The following ARHGAP44 variants were observed in gnomAD, a reference collection of about 807,000 sequenced individuals.
ARHGAP44 encodes the protein Rho GTPase activating protein 44.
ARHGAP44 carries 43 observed loss-of-function variants against 106.8 expected under a neutral mutation model. The observed-to-expected ratio is 0.40, with a 90% CI of 0.32 to 0.52. ARHGAP44 has a LOEUF of 0.52. ARHGAP44 is among the 20% of genes least tolerant of loss of function. The pLI, the probability that ARHGAP44 is intolerant of heterozygous loss-of-function variation, is 0.48. For missense variants in ARHGAP44, 866 were observed against 1,050.5 expected (o/e 0.82, Z 2.43); for synonymous variants, 439 against 410.3 (o/e 1.07, Z -0.85).
intron 1 of ARHGAP44, among the ~76,000 whole-genome samples, chr17:12,862,950 C>T (rs2150869436): frequency 6.6e-6 from 1 of 151,812 alleles, no homozygotes; most frequent in African/African-American, 2.4e-5. Flanking sequence ...CCACTGCACT[C>T]CAGCCTGGGC....
At chr17:12,921,053 T>C (rs992338310) in intron 6 of ARHGAP44, among the ~76,000 whole-genome samples, 1 of 152,108 alleles carries the variant, frequency 6.6e-6, no homozygotes, top group Non-Finnish European at 1.5e-5. Context: ...TTTATTTTTT[T>C]ATTTAATGTA....
chr17:12,867,689 C>T (rs1456779192), intron 1 of ARHGAP44, among the ~76,000 whole-genome samples: 2 of 152,152 alleles, frequency 1.3e-5, no homozygotes, highest in Non-Finnish European at 2.9e-5. Flanking sequence ...CAGAGTCACA[C>T]ATAAACTCCA....
At chr17:12,826,161 G>A (rs2034913915) in intron 1 of ARHGAP44, among the ~76,000 whole-genome samples, 1 of 152,086 alleles carries the variant, frequency 6.6e-6, no homozygotes, top group Admixed American at 6.5e-5. Context: ...GGTTTGTACA[G>A]ATTATTTTAT....
In ARHGAP44 at chr17:12,990,463, A is replaced by C; in HGVS notation, c.*292A>C. ...TCAGCCTCCATGCCAGAAAACACCC[A>C]CCTCTCCATCCAAGGCTGGTCAGGA... On this transcript the variant is annotated 3_prime_UTR_variant, in exon 21 of 21. Coordinates refer to ENST00000379672, the MANE Select transcript of ARHGAP44 (RefSeq NM_014859.6). 6.0e-6 allele frequency: 2 copies of C among 332,370 alleles called. No individual in the cohort carries two copies. The highest frequency in any genetic ancestry group is 1.2e-5 in the Non-Finnish European group (2 of 170,282). The allele number at this position is 332,370 out of a possible 1,614,324, so 20.6% of individuals were successfully genotyped here. A position where few individuals can be genotyped will look rare whatever the true frequency, so the allele number is the denominator to read the frequency against.
intron 1 of ARHGAP44, among the ~76,000 whole-genome samples, chr17:12,828,415 C>T (rs2034985717): frequency 6.6e-6 from 1 of 151,950 alleles, no homozygotes; most frequent in Non-Finnish European, 1.5e-5. Context: ...TTTTCCTAAT[C>T]ACAATAGAAG....
chr17:12,954,764 A>G lies in ARHGAP44; in HGVS notation c.1137-1103A>G, dbSNP rs2039086533. Among the ~76,000 whole-genome samples, 4 of 152,142 alleles carry G rather than the reference A, an allele frequency of 2.6e-5. No individual in the cohort carries two copies. In the South Asian group the frequency reaches 8.3e-4, roughly 32 times the overall value. On this transcript the variant is annotated intron_variant, in intron 13 of 20. Transcript: ENST00000379672. Reference sequence around the variant, plus strand: ...TGGCAGATTTTTAGTGTGGTTTGCCAGAGCTGTTTTTTTTGAATTTGCACG... The same window carrying G: ...TGGCAGATTTTTAGTGTGGTTTGCCGGAGCTGTTTTTTTTGAATTTGCACG...
intron 1 of ARHGAP44, among the ~76,000 whole-genome samples, chr17:12,810,025 A>C (rs927334786): frequency 6.6e-6 from 1 of 152,082 alleles, no homozygotes; most frequent in Non-Finnish European, 1.5e-5. Context: ...GGTGGAACTG[A>C]AGCATTTAAT....
Position 12,858,435 on chromosome 17 carries a change from T to A in ARHGAP44, c.54-36505T>A, listed in dbSNP as rs576535210. On this transcript the variant is annotated intron_variant, in intron 1 of 20. Transcript: ENST00000379672. ...TTGCAGGTGTGCAAGGATTCTTTTG[T>A]ATCTGTAAGCATGAGGTCAGACTAA... 2.0e-5 allele frequency among the ~76,000 whole-genome samples: 3 copies of A among 152,340 alleles called. No homozygotes were observed. In the South Asian group the frequency reaches 6.2e-4, roughly 32 times the overall value.
intron 1 of ARHGAP44, among the ~76,000 whole-genome samples, chr17:12,862,442 C>T (rs1051998491): frequency 9.9e-5 from 15 of 152,204 alleles, no homozygotes; most frequent in Non-Finnish European, 1.9e-4. Flanking sequence ...ATTCCTCCTT[C>T]ATTGTCCTTT....
At chr17:12,869,245 G>A (rs1597971187) in intron 1 of ARHGAP44, among the ~76,000 whole-genome samples, 1 of 152,058 alleles carries the variant, frequency 6.6e-6, no homozygotes, top group Non-Finnish European at 1.5e-5. Context: ...CCCATTTTAG[G>A]ACGAAGGAAA....
At chr17:12,927,792 G>A (rs1898634497) in intron 6 of ARHGAP44, among the ~76,000 whole-genome samples, 1 of 152,148 alleles carries the variant, frequency 6.6e-6, no homozygotes, top group African/African-American at 2.4e-5. Flanking sequence ...AGCCAGCCTT[G>A]GCTGCTGTTT....
At chr17:12,932,731 A>G (rs969271608) in intron 7 of ARHGAP44, among the ~76,000 whole-genome samples, 2 of 150,542 alleles carry the variant, frequency 1.3e-5, no homozygotes, top group Non-Finnish European at 3.0e-5. Flanking sequence ...TTCCAGATAG[A>G]TAGTCAGTTA....
intron 3 of ARHGAP44, among the ~76,000 whole-genome samples, chr17:12,899,552 GA>G (rs2037311006): frequency 6.8e-6 from 1 of 147,070 alleles, no homozygotes; most frequent in Non-Finnish European, 1.5e-5. Context: ...GATATGTCAA[GA>G]TCGGAGCAAT....
chr17:12,827,370 CATT>C (rs1420139112), intron 1 of ARHGAP44, among the ~76,000 whole-genome samples: 4 of 152,012 alleles, frequency 2.6e-5, no homozygotes, highest in Admixed American at 2.0e-4. Flanking sequence ...TTATTCACAT[CATT>C]ATAAGGATGA....
chr17:12,822,477 C>T (rs2034800176), intron 1 of ARHGAP44, among the ~76,000 whole-genome samples: 1 of 152,082 alleles, frequency 6.6e-6, no homozygotes, highest in Non-Finnish European at 1.5e-5. Context: ...GGTTAAAGCT[C>T]TGATACCTCA....
intron 4 of ARHGAP44, 107 bp downstream of exon 4, chr17:12,909,080 T>C: frequency 1.0e-6 from 1 of 980,316 alleles, no homozygotes; most frequent in Non-Finnish European, 1.5e-6. Context: ...CACTGGGGAC[T>C]TTAGTGGAAA....
intron 1 of ARHGAP44, among the ~76,000 whole-genome samples, chr17:12,878,227 T>A (rs2036616946): frequency 6.8e-6 from 1 of 147,534 alleles, no homozygotes; most frequent in African/African-American, 2.5e-5. Context: ...TCACAGAACC[T>A]TTTTTTTTTT....
chr17:12,896,972 C>A (rs16946769), intron 3 of ARHGAP44, among the ~76,000 whole-genome samples: 21,993 of 152,166 alleles, frequency 0.14, 2,458 homozygotes, highest in East Asian at 0.34. Context: ...TGTTTTCGCC[C>A]TAATGAGACA....
chr17:12,913,487 TA>T (rs2037800696), intron 4 of ARHGAP44, among the ~76,000 whole-genome samples: 3 of 152,034 alleles, frequency 2.0e-5, no homozygotes, highest in Non-Finnish European at 4.4e-5. Context: ...TTAATATGAA[TA>T]AAGGGAGGGA....
Sources: gnomAD v4.1 joint callset for allele counts (sites outside exome capture counted in the v4.1 genomes callset) on GRCh38, gnomAD v4.1.1 for gene constraint, MANE v1.5 for transcripts, NCBI Gene and HGNC (gene_info 2026-07-23, HGNC 2026-07-21) for gene names.